SCIN: variants seen among roughly 807,000 people sequenced by gnomAD.
SCIN encodes adseverin.
Under a neutral mutation model 91.8 loss-of-function variants are expected in SCIN, and 91 were observed. The observed-to-expected ratio is 0.99, with a 90% CI of 0.84 to 1.18. The LOEUF (loss-of-function observed/expected upper bound fraction) is 1.18, where lower values mean the gene tolerates loss of function less well. Ranked by LOEUF, SCIN falls within the 50% of genes most tolerant of loss-of-function variation. SCIN has a pLI of 0.00. For missense variants in SCIN, 1,087 were observed against 863.9 expected, an observed-to-expected ratio of 1.26 and a Z score of -3.24; for synonymous variants, 367 against 312.6, an observed-to-expected ratio of 1.17 and a Z score of -1.84.
chr7:12,622,966 A>T, intron 5 of SCIN, 73 bp downstream of exon 5: 1 of 1,054,822 alleles, frequency 9.5e-7, no homozygotes, highest in Non-Finnish European at 1.4e-6. Context: ...ATTGGGCGGG[A>T]TTCCCGTTGC....
At chr7:12,572,345 T>C (rs959171950) in intron 1 of SCIN, among the ~76,000 whole-genome samples, 8 of 152,238 alleles carry the variant, frequency 5.3e-5, no homozygotes, top group African/African-American at 1.7e-4. Flanking sequence ...TACACAGTCA[T>C]CTATTTGTAT....
intron 4 of SCIN, among the ~76,000 whole-genome samples, chr7:12,608,220 CT>C (rs1783118192): frequency 6.6e-6 from 1 of 151,764 alleles, no homozygotes; most frequent in African/African-American, 2.4e-5. Context: ...CATTATAATA[CT>C]TTGTATCTTG....
intron 3 of SCIN, among the ~76,000 whole-genome samples, chr7:12,591,579 A>G (rs982630144): frequency 6.6e-6 from 1 of 152,170 alleles, no homozygotes; most frequent in African/African-American, 2.4e-5. Context: ...GACGGAGCTG[A>G]CGCAGTGACA....
At chr7:12,616,956 T>C (rs1000221376) in intron 4 of SCIN, among the ~76,000 whole-genome samples, 2 of 152,154 alleles carry the variant, frequency 1.3e-5, no homozygotes, top group African/African-American at 4.8e-5. Context: ...CTATATTCAA[T>C]TTGTAGTTTA....
chr7:12,649,381 C>A lies in SCIN; in HGVS notation c.1882-86C>A, dbSNP rs1784031855. 11 of 729,866 alleles carry A rather than the reference C, an allele frequency of 1.5e-5. No homozygotes were observed. In the South Asian group the frequency reaches 2.1e-4, roughly 14 times the overall value. The allele number at this position is 729,866 out of a possible 1,614,324, so 45.2% of individuals were successfully genotyped here. A position where few individuals can be genotyped will look rare whatever the true frequency, so the allele number is the denominator to read the frequency against. On this transcript the variant is annotated intron_variant, in intron 13 of 15. Transcript: ENST00000297029. ...CACCAAATTTTATTTTCACTATACTCAAAAAAAATACAGGGCATTTCTATC... is the reference window on the plus strand; with the variant it reads ...CACCAAATTTTATTTTCACTATACTAAAAAAAAATACAGGGCATTTCTATC...
At chr7:12,579,495 A>C (rs1043298197) in intron 2 of SCIN, among the ~76,000 whole-genome samples, 2 of 152,202 alleles carry the variant, frequency 1.3e-5, no homozygotes, top group African/African-American at 4.8e-5. Context: ...TTATGAACCC[A>C]TTTCTGCCAC....
At chr7:12,627,063 C>A (rs1459882625) in intron 8 of SCIN, among the ~76,000 whole-genome samples, 1 of 151,492 alleles carries the variant, frequency 6.6e-6, no homozygotes, top group Non-Finnish European at 1.5e-5. Context: ...GCACTCCAGC[C>A]TGGGTGACAG....
chr7:12,631,164 C>T (rs984117808), intron 9 of SCIN, among the ~76,000 whole-genome samples: 2 of 152,132 alleles, frequency 1.3e-5, no homozygotes, highest in African/African-American at 4.8e-5. Flanking sequence ...ATTTTAAATG[C>T]TAAATTTGAG....
chr7:12,622,742 A>C (rs756435665), intron 4 of SCIN, 59 bp from the exon 5 acceptor site: 2 of 1,161,432 alleles, frequency 1.7e-6, no homozygotes, highest in Non-Finnish European at 2.6e-6. Context: ...TATTTTTCTA[A>C]CTCTGCATCC....
intron 4 of SCIN, among the ~76,000 whole-genome samples, chr7:12,610,278 C>G (rs773329329): frequency 3.3e-5 from 5 of 152,134 alleles, no homozygotes; most frequent in Non-Finnish European, 7.4e-5. Context: ...GATATTTACC[C>G]TATGCTGATC....
chr7:12,620,960 G>T (rs1031402505), intron 4 of SCIN, among the ~76,000 whole-genome samples: 2 of 152,032 alleles, frequency 1.3e-5, no homozygotes, highest in African/African-American at 2.4e-5. Context: ...CCATTAAATT[G>T]TCAAAATATA....
chr7:12,596,931 T>A (rs1037017590), intron 3 of SCIN, among the ~76,000 whole-genome samples: 3 of 152,176 alleles, frequency 2.0e-5, no homozygotes, highest in Admixed American at 6.5e-5. Context: ...TTATTTCTCT[T>A]CTCTCTATCA....
At chr7:12,617,774 T>G (rs955598682) in intron 4 of SCIN, among the ~76,000 whole-genome samples, 3 of 152,136 alleles carry the variant, frequency 2.0e-5, no homozygotes, top group African/African-American at 4.8e-5. Flanking sequence ...ATACAATGCA[T>G]GGGCTCCAAT....
chr7:12,617,043 C>T (rs1017268836), intron 4 of SCIN, among the ~76,000 whole-genome samples: 4 of 152,024 alleles, frequency 2.6e-5, no homozygotes, highest in South Asian at 2.1e-4. Flanking sequence ...TAGATCAGTA[C>T]GTGAACAAAT....
intron 9 of SCIN, among the ~76,000 whole-genome samples, 200 bp from the exon 10 acceptor site, chr7:12,635,845 C>T (rs1257584392): frequency 6.6e-6 from 1 of 151,906 alleles, no homozygotes; most frequent in African/African-American, 2.4e-5. Context: ...AAATGCCTAC[C>T]ATATACAGTT....
intron 1 of SCIN, among the ~76,000 whole-genome samples, chr7:12,573,761 T>G (rs1233042802): frequency 6.6e-6 from 1 of 152,182 alleles, no homozygotes; most frequent in Non-Finnish European, 1.5e-5. Flanking sequence ...CTCTTTCTCT[T>G]TGCCAGTTTT....
At chr7:12,604,828 G>A (rs535631550) in intron 4 of SCIN, among the ~76,000 whole-genome samples, 165 bp downstream of exon 4, 2 of 151,982 alleles carry the variant, frequency 1.3e-5, no homozygotes, top group Non-Finnish European at 2.9e-5. Flanking sequence ...GAAACAACAG[G>A]GTTATCTAAG....
chr7:12,633,075 GA>G (rs1201651284), intron 9 of SCIN, among the ~76,000 whole-genome samples: 1 of 152,152 alleles, frequency 6.6e-6, no homozygotes, highest in Non-Finnish European at 1.5e-5. Flanking sequence ...TTCCGTTGAA[GA>G]CTGGCTTTTA....
chr7:12,624,507 A>T (rs1369219781), intron 5 of SCIN, among the ~76,000 whole-genome samples: 1 of 152,212 alleles, frequency 6.6e-6, no homozygotes, highest in African/African-American at 2.4e-5. Context: ...TCCTTAACAA[A>T]GCGACTGGTA....
Sources: allele counts gnomAD v4.1 joint callset (sites outside exome capture counted in the v4.1 genomes callset), GRCh38; gene constraint gnomAD v4.1.1; transcripts MANE v1.5; gene names NCBI Gene and HGNC (gene_info 2026-07-23, HGNC 2026-07-21).